Variants in PPM1B observed in about 807,000 individuals in gnomAD.
PPM1B encodes protein phosphatase, Mg2+/Mn2+ dependent 1B.
A neutral mutation model predicts 43.0 loss-of-function variants in PPM1B; 22 were observed. The observed-to-expected ratio is 0.51, with a 90% CI of 0.37 to 0.73. The LOEUF is 0.73. Ranked by LOEUF, PPM1B falls within the 30% of genes least tolerant of loss-of-function variation. The probability of loss-of-function intolerance (pLI) is 0.00; values close to 1 mark genes in which losing one functional copy is unlikely to be tolerated. For missense variants in PPM1B, 632 were observed against 584.2 expected (o/e 1.08, Z -0.84); for synonymous variants, 217 against 197.9 (o/e 1.10, Z -0.81).
chr2:44,232,568 G>A (rs1670499057), downstream of PPM1B: 3 of 1,387,664 alleles, frequency 2.2e-6, no homozygotes, highest in Admixed American at 3.3e-5. Context: ...GCCAACCTCA[G>A]GCATACTCGT....
intron 2 of PPM1B, among the ~76,000 whole-genome samples, chr2:44,204,115 C>A (rs765802247): frequency 6.6e-6 from 1 of 152,126 alleles, no homozygotes; most frequent in Non-Finnish European, 1.5e-5. Context: ...TCTAATGGAG[C>A]TGCATTCAAA....
At chr2:44,233,854 A>T (rs959651303), downstream of PPM1B, 4 of 985,444 alleles carry the variant, frequency 4.1e-6, no homozygotes, top group Middle Eastern at 1.0e-3. Context: ...GCTTTACATG[A>T]TGATGTGAAA....
At chr2:44,190,082 C>T (rs964391274) in intron 1 of PPM1B, among the ~76,000 whole-genome samples, 4 of 151,152 alleles carry the variant, frequency 2.6e-5, no homozygotes, top group Admixed American at 6.6e-5. Flanking sequence ...GCATTGTGGA[C>T]AGATCATTAT....
At chr2:44,240,100 T>C (rs1670714303) in intron 5 of PPM1B, among the ~76,000 whole-genome samples, 1 of 145,412 alleles carries the variant, frequency 6.9e-6, no homozygotes, top group Non-Finnish European at 1.5e-5. Context: ...ATCGAACTCC[T>C]GTCCTCAAGC....
chr2:44,216,141 G>C (rs1669707190), intron 3 of PPM1B, among the ~76,000 whole-genome samples: 1 of 152,222 alleles, frequency 6.6e-6, no homozygotes, highest in Admixed American at 6.5e-5. Flanking sequence ...CTTAGTTGCT[G>C]TATGGAGAAG....
intron 1 of PPM1B, among the ~76,000 whole-genome samples, chr2:44,185,173 C>G (rs1024942242): frequency 2.6e-5 from 4 of 151,774 alleles, no homozygotes; most frequent in African/African-American, 9.7e-5. Flanking sequence ...TCTTTGATTT[C>G]TAGTTTCTTT....
intron 1 of PPM1B, among the ~76,000 whole-genome samples, chr2:44,177,076 G>A (rs747233581): frequency 2.0e-5 from 3 of 152,110 alleles, no homozygotes; most frequent in Non-Finnish European, 4.4e-5. Context: ...CACCGTGCCC[G>A]GCCTAGTTTC....
chr2:44,227,850 C>T (rs974085661), intron 5 of PPM1B, among the ~76,000 whole-genome samples: 10 of 151,344 alleles, frequency 6.6e-5, no homozygotes, highest in African/African-American at 2.4e-4. Flanking sequence ...CATGAGGATA[C>T]TTCCCCGCCC....
intron 3 of PPM1B, among the ~76,000 whole-genome samples, chr2:44,217,213 A>C (rs181490525): frequency 6.6e-6 from 1 of 152,150 alleles, no homozygotes; most frequent in Admixed American, 6.5e-5. Flanking sequence ...CAGCCTGACC[A>C]ACATGGAGAA....
At chr2:44,237,013 T>C (rs1051290722), downstream of PPM1B, among the ~76,000 whole-genome samples, 1 of 152,236 alleles carries the variant, frequency 6.6e-6, no homozygotes, top group Non-Finnish European at 1.5e-5. Context: ...ATATGTAAAA[T>C]AGTCAAATGT....
intron 5 of PPM1B, among the ~76,000 whole-genome samples, chr2:44,221,250 T>G (rs1232419476): frequency 2.0e-5 from 3 of 152,222 alleles, no homozygotes; most frequent in Non-Finnish European, 4.4e-5. Flanking sequence ...GAAAACTGAC[T>G]TTACAGCCTA....
chr2:44,238,349 A>C (rs1670674007), downstream of PPM1B, among the ~76,000 whole-genome samples: 1 of 152,170 alleles, frequency 6.6e-6, no homozygotes. Context: ...TTAAAATTGT[A>C]ATTAAGACTG....
rs183392445 is a variant in PPM1B at position 44,228,593 on chromosome 2, T to C, written c.1135-1820T>C. On this transcript the variant is annotated intron_variant, in intron 5 of 5. Transcript: ENST00000282412. ...TTGCAAAAGTATATGTAATAGTCTC[T>C]AAAGATGGTTAAGAGTTTGTGTCAC... Among the ~76,000 whole-genome samples the C allele has an allele frequency of 3.4e-3, 525 of 152,354 alleles. 4 individuals are homozygous for C. The highest frequency in any genetic ancestry group is 0.012 in the South Asian group (58 of 4,828).
intron 5 of PPM1B, among the ~76,000 whole-genome samples, chr2:44,228,166 C>T (rs1159362714): frequency 6.7e-6 from 1 of 149,512 alleles, no homozygotes; most frequent in Non-Finnish European, 1.5e-5. Context: ...TCGTGATCCA[C>T]CCGCCTCAGC....
chr2:44,216,810 A>G (rs1669739713), intron 3 of PPM1B, among the ~76,000 whole-genome samples: 1 of 151,822 alleles, frequency 6.6e-6, no homozygotes, highest in Admixed American at 6.6e-5. Context: ...CTGTAATCCC[A>G]GCTACTTGGG....
intron 1 of PPM1B, among the ~76,000 whole-genome samples, chr2:44,172,726 A>G (rs911135680): frequency 6.6e-6 from 1 of 152,142 alleles, no homozygotes; most frequent in African/African-American, 2.4e-5. Flanking sequence ...CCTGGGCAAC[A>G]TAGCAAGACC....
intron 5 of PPM1B, among the ~76,000 whole-genome samples, chr2:44,243,855 T>TA (rs552592291): frequency 2.7e-3 from 404 of 152,274 alleles, no homozygotes; most frequent in Middle Eastern, 0.01. Context: ...TTGGCCAAGA[T>TA]ATCCCTGCCA....
At chr2:44,239,802 A>G (rs1050856923) in intron 5 of PPM1B, among the ~76,000 whole-genome samples, 1 of 152,118 alleles carries the variant, frequency 6.6e-6, no homozygotes, top group Non-Finnish European at 1.5e-5. Flanking sequence ...TAATTGTGCC[A>G]ACACCATGCC....
At chr2:44,209,373 G>A in intron 3 of PPM1B, 46 bp downstream of exon 3, 6 of 1,598,690 alleles carry the variant, frequency 3.8e-6, no homozygotes, top group East Asian at 2.2e-5. Context: ...AGGCACGGTA[G>A]CTCATGCCTG....
Sources: gnomAD v4.1 joint callset for allele counts (sites outside exome capture counted in the v4.1 genomes callset) on GRCh38, gnomAD v4.1.1 for gene constraint, MANE v1.5 for transcripts, NCBI Gene and HGNC (gene_info 2026-07-23, HGNC 2026-07-21) for gene names.